The following CLNK variants were observed in gnomAD, a reference collection of about 807,000 sequenced individuals.
CLNK encodes the protein cytokine dependent hematopoietic cell linker, also known as cytokine-dependent hematopoietic cell linker.
In CLNK, 74 loss-of-function variants were observed where a neutral mutation model predicts 68.6. That is an observed-to-expected ratio of 1.08 (90% CI 0.89 to 1.31). The LOEUF (loss-of-function observed/expected upper bound fraction) is 1.31. CLNK is among the 50% of genes most tolerant of loss of function. CLNK has a pLI of 0.00. For missense variants in CLNK, 553 were observed against 515.3 expected (o/e 1.07, Z -0.71); for synonymous variants, 198 against 172.2 (o/e 1.15, Z -1.17).
the CLNK span, among the ~76,000 whole-genome samples, chr4:10,703,843 A>G: frequency 6.6e-6 from 1 of 152,218 alleles, no homozygotes; most frequent in Non-Finnish European, 1.5e-5. Flanking sequence ...GAAAAGGTAC[A>G]GTAATAATAC....
intron 2 of CLNK, among the ~76,000 whole-genome samples, chr4:10,641,203 G>A (rs1478611531): frequency 6.6e-6 from 1 of 152,134 alleles, no homozygotes; most frequent in Non-Finnish European, 1.5e-5. Context: ...TGGGGTGTGG[G>A]GAGGCTTACT....
rs1315632057 is a variant in CLNK, at chr4:10,542,038, G to A, written c.475C>T (p.Pro159Ser). The change falls in exon 10 of 19, where the codon CCT becomes TCT. Residue 159 changes from proline to serine, a missense_variant. Pro to Ser is a moderately conservative substitution (Grantham distance 74). Coordinates refer to ENST00000226951, the MANE Select transcript of CLNK (RefSeq NM_052964.4). ...GDASVRKNKI[P>S]LPPPRPLITL... ...GTGTTTTACCGAGGAGGTGGTAAAG[G>A]AATCTGAAAAAGAAAAGAGAAACCT... 4.4e-6 allele frequency: 7 copies of A among 1,591,304 alleles called. No individual in the cohort carries two copies. The South Asian group carries it at 6.9e-5, about 16-fold the overall frequency.
At chr4:10,536,560 A>G (rs1421526273) in intron 11 of CLNK, among the ~76,000 whole-genome samples, 1 of 152,120 alleles carries the variant, frequency 6.6e-6, no homozygotes, top group Non-Finnish European at 1.5e-5. Context: ...TAAGTTACCT[A>G]ACTTCTCTGA....
chr4:10,673,422 T>C (rs1477339676), intron 1 of CLNK, among the ~76,000 whole-genome samples: 2 of 152,138 alleles, frequency 1.3e-5, no homozygotes, highest in African/African-American at 2.4e-5. Context: ...ATAGGACAAA[T>C]GTCCATCAGT....
chr4:10,660,614 C>T (rs1179812646), intron 2 of CLNK, among the ~76,000 whole-genome samples: 3 of 152,196 alleles, frequency 2.0e-5, no homozygotes, highest in Non-Finnish European at 4.4e-5. Flanking sequence ...AAACTCTAAC[C>T]TTGTGGACAG....
intron 16 of CLNK, among the ~76,000 whole-genome samples, chr4:10,508,907 G>C (rs933754054): frequency 3.9e-5 from 6 of 152,080 alleles, no homozygotes; most frequent in African/African-American, 1.4e-4. Flanking sequence ...AGGAGATCGA[G>C]ACCATCCTGG....
intron 18 of CLNK, among the ~76,000 whole-genome samples, chr4:10,492,067 A>G (rs1716598114): frequency 6.6e-6 from 1 of 152,150 alleles, no homozygotes; most frequent in African/African-American, 2.4e-5. Context: ...CCATGTTTCA[A>G]GACAACTTAG....
At chr4:10,562,096 C>A (rs75058885) in intron 7 of CLNK, among the ~76,000 whole-genome samples, 1 of 74,462 alleles carries the variant, frequency 1.3e-5, no homozygotes, top group African/African-American at 4.6e-5. Flanking sequence ...TTTTCTTTTT[C>A]TTTTCTTTTT....
rs141284496 is a variant in CLNK at position 10,566,063 on chromosome 4, A to G, written c.238T>C (p.Trp80Arg). 1.8e-3 allele frequency: 2,971 copies of G among 1,613,894 alleles called. 63 individuals carry two copies. The African/African-American group carries it at 0.034, about 18-fold the overall frequency. The change falls in exon 6 of 19, where the codon TGG becomes CGG. Residue 80 changes from tryptophan (W) to arginine (R), a missense_variant. Coordinates refer to ENST00000226951, the MANE Select transcript of CLNK (RefSeq NM_052964.4). ...GCTGGTAAAATTTTAATCGACTGCC[A>G]TGTCTCTTCCATCCGAAGCTCAGGG... ...DDPELRMEET[W>R]QSIKILPARP...
At chr4:10,699,242 A>ACCACG in the CLNK span, among the ~76,000 whole-genome samples, 4 of 56,942 alleles carry the variant, frequency 7.0e-5, no homozygotes, top group African/African-American at 2.1e-4. Context: ...ATACACACAC[A>ACCACG]TACACACCAC....
chr4:10,669,248 T>A (rs1724532082), intron 1 of CLNK, among the ~76,000 whole-genome samples: 1 of 152,202 alleles, frequency 6.6e-6, no homozygotes, highest in Admixed American at 6.5e-5. Flanking sequence ...TAAAACTAAG[T>A]ATAGTATAGT....
intron 7 of CLNK, among the ~76,000 whole-genome samples, chr4:10,560,577 G>T (rs1719847394): frequency 6.6e-6 from 1 of 152,010 alleles, no homozygotes; most frequent in Non-Finnish European, 1.5e-5. Flanking sequence ...CCAAGTAGCT[G>T]GGACTACAGG....
Position 10,487,137 on chromosome 4 carries a change from T to C in CLNK, c.*3330A>G, listed in dbSNP as rs1716381537. On this transcript the variant is annotated 3_prime_UTR_variant, in exon 19 of 19. Transcript: ENST00000226951. ...TTGAAATCAGATATCAAGTGATACT[T>C]TTAAACTAAACGTGAGGTAATGGTT... is the stretch of plus-strand genomic sequence containing the variant. 1.3e-5 allele frequency: 2 copies of C among 152,208 alleles called. No individual in the cohort carries two copies. Among genetic ancestry groups the C allele is most frequent in the African/African-American group, 2.4e-5 (1 of 41,444 alleles). The allele number at this position is 152,208 out of a possible 1,614,324, so 9.4% of individuals were successfully genotyped here.
chr4:10,513,714 G>A (rs1322332419), intron 15 of CLNK, 117 bp from the exon 16 acceptor site: 3 of 950,590 alleles, frequency 3.2e-6, no homozygotes, highest in African/African-American at 3.4e-5. Flanking sequence ...GACCTTCTTG[G>A]TCAACACCAT....
At chr4:10,703,952 G>A in the CLNK span, among the ~76,000 whole-genome samples, 3 of 152,280 alleles carry the variant, frequency 2.0e-5, no homozygotes, top group South Asian at 4.1e-4. Context: ...CTGAGCACCT[G>A]TCACATAAAC....
chr4:10,537,052 G>T (rs1010754847), intron 11 of CLNK, among the ~76,000 whole-genome samples: 4 of 152,194 alleles, frequency 2.6e-5, no homozygotes, highest in African/African-American at 7.2e-5. Flanking sequence ...AGCTTCACCT[G>T]GGGGAGCCTT....
At chr4:10,510,676 C>T (rs1252905499) in intron 16 of CLNK, among the ~76,000 whole-genome samples, 2 of 152,176 alleles carry the variant, frequency 1.3e-5, no homozygotes, top group Non-Finnish European at 2.9e-5. Flanking sequence ...CTCTCTGAAG[C>T]CTGCTACCTG....
In CLNK at chr4:10,546,185, A is replaced by G. The variant is rs188618469; in HGVS notation, c.446-3905T>C. Reference sequence around the variant, plus strand: ...ATACCCTTGGTTTTCTCCTCTGAAGACTTTTTCTCTATGTGGCCAGGCTGA... The same window carrying G: ...ATACCCTTGGTTTTCTCCTCTGAAGGCTTTTTCTCTATGTGGCCAGGCTGA... On this transcript the variant is annotated intron_variant, in intron 8 of 18. Transcript: ENST00000226951. Among the ~76,000 whole-genome samples the G allele has an allele frequency of 6.3e-3, 952 of 152,228 alleles. 10 individuals carry two copies. The highest frequency in any genetic ancestry group is 0.021 in the African/African-American group (892 of 41,528).
chr4:10,640,206 C>T (rs912969946), intron 2 of CLNK, among the ~76,000 whole-genome samples: 1 of 152,028 alleles, frequency 6.6e-6, no homozygotes, highest in South Asian at 2.1e-4. Context: ...TACTCTGTCG[C>T]CAGGCTGGAG....
Sources: allele counts gnomAD v4.1 joint callset (sites outside exome capture counted in the v4.1 genomes callset), GRCh38; gene constraint gnomAD v4.1.1; transcripts MANE v1.5; gene names NCBI Gene and HGNC (gene_info 2026-07-23, HGNC 2026-07-21).